MAGI2: variants seen among roughly 807,000 people sequenced by gnomAD.
The protein encoded by MAGI2 is membrane-associated guanylate kinase, WW and PDZ domain-containing protein 2.
MAGI2 carries 35 observed loss-of-function variants against 133.3 expected under a neutral mutation model. That is an observed-to-expected ratio of 0.26 (90% CI 0.20 to 0.35). MAGI2 has a LOEUF of 0.35. Among genes scored for constraint, MAGI2 ranks in the 10% least tolerant of loss-of-function variants. MAGI2 has a pLI of 1.00. For missense variants in MAGI2, 1,636 were observed against 1,863.4 expected (o/e 0.88, Z 2.25); for synonymous variants, 729 against 710.6 (o/e 1.03, Z -0.41).
chr7:79,247,690 C>A (rs1832921943), intron 1 of MAGI2, among the ~76,000 whole-genome samples: 1 of 151,812 alleles, frequency 6.6e-6, no homozygotes, highest in South Asian at 2.1e-4. Context: ...AAATAGAAAC[C>A]ACAAAAAGTT....
intron 7 of MAGI2, among the ~76,000 whole-genome samples, chr7:78,363,750 C>T (rs191645957): frequency 6.6e-6 from 1 of 152,188 alleles, no homozygotes; most frequent in East Asian, 1.9e-4. Context: ...TGAACAGTTA[C>T]TGAACATACC....
intron 2 of MAGI2, among the ~76,000 whole-genome samples, chr7:78,871,778 T>C (rs553390664): frequency 3.9e-5 from 6 of 152,160 alleles, no homozygotes; most frequent in African/African-American, 1.4e-4. Context: ...AGGAAGACAA[T>C]TTTAAATGAA....
intron 21 of MAGI2, among the ~76,000 whole-genome samples, chr7:78,068,147 C>T (rs1293150567): frequency 6.6e-6 from 1 of 152,162 alleles, no homozygotes; most frequent in African/African-American, 2.4e-5. Context: ...AACTGTTCCA[C>T]CTCAGATCCT....
intron 1 of MAGI2, among the ~76,000 whole-genome samples, chr7:79,231,730 C>G (rs373071286): frequency 6.6e-4 from 90 of 135,810 alleles, no homozygotes; most frequent in Non-Finnish European, 1.1e-3. Context: ...ACAATCATGT[C>G]GTCGGCAAAC....
intron 10 of MAGI2, among the ~76,000 whole-genome samples, chr7:78,245,390 A>C (rs1175932122): frequency 6.6e-6 from 1 of 152,232 alleles, no homozygotes; most frequent in Admixed American, 6.5e-5. Context: ...CATTGTGGGC[A>C]TTCAAAAAGT....
chr7:78,368,734 GA>G (rs952738274), intron 7 of MAGI2, among the ~76,000 whole-genome samples: 1 of 151,450 alleles, frequency 6.6e-6, no homozygotes, highest in South Asian at 2.1e-4. Flanking sequence ...TCCCAAAAAA[GA>G]AAAAAAATCT....
chr7:78,254,287 A>G (rs1279100819), intron 10 of MAGI2: 5 of 152,206 alleles, frequency 3.3e-5, no homozygotes, highest in Non-Finnish European at 5.9e-5. Flanking sequence ...TGTATATAAA[A>G]AATGCATCCA....
intron 9 of MAGI2, among the ~76,000 whole-genome samples, chr7:78,294,757 G>C (rs146354696): frequency 6.6e-6 from 1 of 152,102 alleles, no homozygotes; most frequent in Non-Finnish European, 1.5e-5. Context: ...CGCTAAGTAC[G>C]ATGATGGCCA....
At chr7:78,972,726 T>G (rs1365614345) in intron 2 of MAGI2, among the ~76,000 whole-genome samples, 1 of 151,956 alleles carries the variant, frequency 6.6e-6, no homozygotes, top group Non-Finnish European at 1.5e-5. Context: ...AGTAAAGTTC[T>G]AATGCTTTTA....
At chr7:79,117,716 G>A (rs546098378) in intron 1 of MAGI2, among the ~76,000 whole-genome samples, 50 of 152,132 alleles carry the variant, frequency 3.3e-4, no homozygotes, top group East Asian at 1.2e-3. Context: ...ACTTACACAG[G>A]TACTTTGAAA....
intron 2 of MAGI2, among the ~76,000 whole-genome samples, chr7:78,914,983 A>G (rs1798681902): frequency 6.6e-6 from 1 of 152,168 alleles, no homozygotes; most frequent in Non-Finnish European, 1.5e-5. Context: ...ATAAAATATT[A>G]CTTTTCAAAT....
At chr7:78,754,007 G>C (rs1037893008) in intron 2 of MAGI2, among the ~76,000 whole-genome samples, 1 of 152,056 alleles carries the variant, frequency 6.6e-6, no homozygotes, top group African/African-American at 2.4e-5. Flanking sequence ...TTAAAATATG[G>C]TAAAGGAATT....
intron 1 of MAGI2, among the ~76,000 whole-genome samples, chr7:79,265,575 A>C (rs761185587): frequency 6.6e-6 from 1 of 152,158 alleles, no homozygotes; most frequent in South Asian, 2.1e-4. Context: ...TGCTTATATA[A>C]ATATGCATAT....
intron 1 of MAGI2, among the ~76,000 whole-genome samples, chr7:79,445,382 T>C (rs939607304): frequency 6.6e-6 from 1 of 152,122 alleles, no homozygotes; most frequent in Non-Finnish European, 1.5e-5. Context: ...ATAGGCAACC[T>C]ACAGAATGGG....
intron 2 of MAGI2, among the ~76,000 whole-genome samples, chr7:78,928,417 A>T (rs932139157): frequency 6.6e-6 from 1 of 151,588 alleles, no homozygotes; most frequent in Non-Finnish European, 1.5e-5. Flanking sequence ...TAAAAAAAAA[A>T]CCCTCAAGAA....
At chr7:79,400,112 C>T (rs906266348) in intron 1 of MAGI2, among the ~76,000 whole-genome samples, 2 of 151,966 alleles carry the variant, frequency 1.3e-5, no homozygotes, top group South Asian at 2.1e-4. Context: ...CCTTTTTTCC[C>T]GCTATCCTTC....
chr7:78,231,070 T>C (rs56264042), intron 10 of MAGI2, among the ~76,000 whole-genome samples: 25,410 of 152,102 alleles, frequency 0.17, 2,548 homozygotes, highest in East Asian at 0.31. Context: ...GAAACTTTAA[T>C]TGGAATATAA....
intron 2 of MAGI2, among the ~76,000 whole-genome samples, chr7:78,835,226 T>C (rs1197299201): frequency 6.6e-6 from 1 of 152,162 alleles, no homozygotes; most frequent in Non-Finnish European, 1.5e-5. Context: ...TTTCTCCAAA[T>C]CCTCACGAAC....
intron 6 of MAGI2, chr7:78,487,088 T>A: frequency 2.6e-6 from 1 of 386,038 alleles, no homozygotes; most frequent in Admixed American, 2.9e-5. Context: ...GGTCCTGTTC[T>A]CCTGTGTATC....
Sources: gnomAD v4.1 joint callset for allele counts (sites outside exome capture counted in the v4.1 genomes callset) on GRCh38, gnomAD v4.1.1 for gene constraint, MANE v1.5 for transcripts, NCBI Gene and HGNC (gene_info 2026-07-23, HGNC 2026-07-21) for gene names.